Variants in JPH3 observed in about 807,000 individuals in gnomAD.
JPH3 encodes the protein junctophilin 3, also known as junctophilin-3.
A neutral mutation model predicts 59.6 loss-of-function variants in JPH3; 11 were observed. That is an observed-to-expected ratio of 0.18 (90% confidence interval 0.12 to 0.31). The LOEUF is 0.31. JPH3 is among the 10% of genes least tolerant of loss of function. JPH3 has a pLI of 1.00. For missense variants in JPH3, 1,202 were observed against 1,105.7 expected, an observed-to-expected ratio of 1.09 and a Z score of -1.24; for synonymous variants, 673 against 483.6, an observed-to-expected ratio of 1.39 and a Z score of -5.14.
At chr16:87,656,842 T>C (rs1011670677) in intron 2 of JPH3, among the ~76,000 whole-genome samples, 3 of 152,156 alleles carry the variant, frequency 2.0e-5, no homozygotes, top group Non-Finnish European at 4.4e-5. Context: ...TTCTGAAAAC[T>C]GGACAGTCCA....
rs1307233172 is a variant in JPH3 at position 87,603,024 on chromosome 16, G to A, written c.-123G>A. 1.3e-5 allele frequency: 17 copies of A among 1,290,998 alleles called. No individual in the cohort carries two copies. The highest frequency in any genetic ancestry group is 1.8e-5 in the Non-Finnish European group (17 of 949,860). 80.0% of individuals were successfully genotyped at this position (1,290,998 alleles called of 1,614,324 possible). On this transcript the variant is annotated 5_prime_UTR_variant, in exon 1 of 5. Coordinates refer to ENST00000284262, the MANE Select transcript of JPH3 (RefSeq NM_020655.4). ...CCCGCGCCCGAGACCGCGCTCCGGG[G>A]CCGCGTCCTCCTCTCCTCCGGAAAA...
intron 2 of JPH3, among the ~76,000 whole-genome samples, chr16:87,668,377 C>T (rs1383951648): frequency 3.3e-5 from 5 of 152,324 alleles, no homozygotes; most frequent in South Asian, 2.1e-4. Flanking sequence ...CTCACCTCTC[C>T]GCAGACGCCC....
rs549715720 is a variant in JPH3, at chr16:87,672,707, G to A, written c.1161-11435G>A. 2.6e-5 allele frequency among the ~76,000 whole-genome samples: 4 copies of A among 152,354 alleles called. No homozygotes were observed. In the South Asian group the frequency reaches 6.2e-4, roughly 24 times the overall value. ...GCAGGGTGTCCACGTGGCTGGCCAC[G>A]TTTAGTTGATAAAAGTGGCATCTAT... On this transcript the variant is annotated intron_variant, in intron 2 of 4. Transcript: ENST00000284262.
At position 87,689,628 on chromosome 16, in the gene JPH3, T is replaced by C; in HGVS notation, c.1286-18T>C. The C allele has an allele frequency of 6.2e-7, 1 of 1,609,502 alleles. No individual in the cohort carries two copies. Among genetic ancestry groups the C allele is most frequent in the Non-Finnish European group, 8.5e-7 (1 of 1,178,496 alleles). On this transcript the variant is annotated intron_variant, in intron 3 of 4. Coordinates refer to ENST00000284262, the MANE Select transcript of JPH3 (RefSeq NM_020655.4). ...TGCTGGGTAACGCCGTCTGGCGTCG[T>C]CTTGTGTCCCCATACAGGGCTGGAG...
chr16:87,625,122 G>A lies in JPH3; in HGVS notation c.383-19136G>A, dbSNP rs185956040. 2.0e-3 allele frequency among the ~76,000 whole-genome samples: 297 copies of A among 152,226 alleles called. 3 individuals carry two copies. Among genetic ancestry groups the A allele is most frequent in the African/African-American group, 6.7e-3 (279 of 41,538 alleles). On this transcript the variant is annotated intron_variant, in intron 1 of 4. Coordinates refer to ENST00000284262, the MANE Select transcript of JPH3 (RefSeq NM_020655.4). ...CCTTATTTTATATACTTTTTAAGACGGAGTCTCACTCTGTGAGCCAGCACA... is the reference window on the plus strand; with the variant it reads ...CCTTATTTTATATACTTTTTAAGACAGAGTCTCACTCTGTGAGCCAGCACA...
Position 87,603,347 on chromosome 16 carries a change from G to A in JPH3, c.201G>A (p.Gln67=). ...SGNTYQGTWA[Q]GKRHGIGLES... ...ACACGTACCAGGGCACCTGGGCGCA[G>A]GGCAAGCGCCACGGCATCGGCCTGG... Residue 67 remains glutamine (Q), a synonymous_variant, in exon 1 of 5, where the codon CAG becomes CAA. Coordinates refer to ENST00000284262, the MANE Select transcript of JPH3 (RefSeq NM_020655.4). 1 of 1,612,810 alleles carries A rather than the reference G, an allele frequency of 6.2e-7. No homozygotes were observed. Among genetic ancestry groups the A allele is most frequent in the African/African-American group, 1.3e-5 (1 of 75,044 alleles).
chr16:87,655,334 A>G (rs574528332), intron 2 of JPH3, among the ~76,000 whole-genome samples: 101 of 150,360 alleles, frequency 6.7e-4, no homozygotes, highest in African/African-American at 2.4e-3. Flanking sequence ...CAAAACAAAT[A>G]ATTTTATTTT....
intron 2 of JPH3, among the ~76,000 whole-genome samples, chr16:87,647,453 G>A (rs1042672501): frequency 5.9e-5 from 9 of 152,108 alleles, no homozygotes; most frequent in East Asian, 3.9e-4. Flanking sequence ...TGAAACTGAC[G>A]GAGCCCACCC....
intron 2 of JPH3, among the ~76,000 whole-genome samples, chr16:87,665,656 G>A (rs1363509747): frequency 6.6e-6 from 1 of 152,202 alleles, no homozygotes. Context: ...AGGAAGCTGG[G>A]GGTGGGAGCA....
intron 2 of JPH3, among the ~76,000 whole-genome samples, chr16:87,651,500 C>T (rs1158812615): frequency 1.3e-5 from 2 of 152,186 alleles, no homozygotes; most frequent in East Asian, 1.9e-4. Context: ...ATTCGTGATT[C>T]AAGGTTGGAG....
chr16:87,619,404 T>A (rs1279009186), intron 1 of JPH3, among the ~76,000 whole-genome samples: 1 of 152,024 alleles, frequency 6.6e-6, no homozygotes, highest in Non-Finnish European at 1.5e-5. Context: ...AGCCACCGGC[T>A]CCCCTGCACC....
chr16:87,696,612 C>G lies in JPH3; in HGVS notation c.2199C>G (p.Ile733Met). ...CGCCTATCCTGGTGGTCATGGTGAT[C>G]TTGCTCAACATCGGAGTCGCCATTC... Reference protein sequence around the residue: ...GSAPILVVMVILLNIGVAILF... With the variant: ...GSAPILVVMVMLLNIGVAILF... Residue 733 changes from isoleucine (I) to methionine (M), a missense_variant, in exon 5 of 5, where the codon ATC (isoleucine) becomes ATG (methionine). Physicochemically the swap from Ile to Met is conservative, Grantham distance 10 (BLOSUM62 1). Coordinates refer to ENST00000284262, the MANE Select transcript of JPH3 (RefSeq NM_020655.4). The G allele has an allele frequency of 6.2e-7, 1 of 1,613,632 alleles. No individual in the cohort carries two copies.
rs763081273 is a variant in JPH3, at chr16:87,690,545, G to A, written c.2166+19G>A. On this transcript the variant is annotated intron_variant, in intron 4 of 4. Coordinates refer to ENST00000284262, the MANE Select transcript of JPH3 (RefSeq NM_020655.4). ...CAGTACGGTGAGTGGGCGGCCACCA[G>A]GCTGGTCCCAGTGGAGGCAACATCC... is the stretch of plus-strand genomic sequence containing the variant. 25 of 1,454,190 alleles carry A rather than the reference G, an allele frequency of 1.7e-5. No individual in the cohort carries two copies. In the East Asian group the frequency reaches 5.0e-4, roughly 29 times the overall value. The allele number at this position is 1,454,190 out of a possible 1,614,324, so 90.1% of individuals were successfully genotyped here.
Position 87,696,683 on chromosome 16 carries a change from T to TA in JPH3, c.*24dup. The TA allele has an allele frequency of 6.3e-7, 1 of 1,585,994 alleles. No homozygotes were observed. Among genetic ancestry groups the TA allele is most frequent in the Non-Finnish European group, 8.7e-7 (1 of 1,155,550 alleles). ...TGATGAGATGTCGCGGTAGCAAAAATAGAGAAAGGGTAGAAAAAAGGGACA... is the reference window on the plus strand; with the variant it reads ...TGATGAGATGTCGCGGTAGCAAAAATAAGAGAAAGGGTAGAAAAAAGGGACA... On this transcript the variant is annotated 3_prime_UTR_variant, in exon 5 of 5. Transcript: ENST00000284262.
At chr16:87,659,956 C>A (rs189026208) in intron 2 of JPH3, among the ~76,000 whole-genome samples, 1 of 152,170 alleles carries the variant, frequency 6.6e-6, no homozygotes, top group Admixed American at 6.5e-5. Flanking sequence ...TGGCCCTGCT[C>A]CGTCCCTTCT....
At chr16:87,639,033 G>A (rs4843644) in intron 1 of JPH3, among the ~76,000 whole-genome samples, 16 of 152,122 alleles carry the variant, frequency 1.1e-4, no homozygotes, top group South Asian at 8.3e-4. Flanking sequence ...TAACGCTGCC[G>A]CTTCCGCTTC....
At chr16:87,666,165 T>G (rs2032854552) in intron 2 of JPH3, among the ~76,000 whole-genome samples, 1 of 151,878 alleles carries the variant, frequency 6.6e-6, no homozygotes, top group Non-Finnish European at 1.5e-5. Flanking sequence ...CTTGGTTCAC[T>G]GTAGCCTCTG....
At chr16:87,627,785 C>T (rs1194107209) in intron 1 of JPH3, among the ~76,000 whole-genome samples, 5 of 152,332 alleles carry the variant, frequency 3.3e-5, no homozygotes, top group Admixed American at 2.6e-4. Context: ...CCGACTTCCA[C>T]CCATGCCGGT....
chr16:87,653,229 C>T (rs1193822020), intron 2 of JPH3, among the ~76,000 whole-genome samples: 1 of 152,216 alleles, frequency 6.6e-6, no homozygotes, highest in African/African-American at 2.4e-5. Flanking sequence ...CAGGGTGATG[C>T]CTGCTCTGAA....
Sources: gnomAD v4.1 joint callset for allele counts (sites outside exome capture counted in the v4.1 genomes callset) on GRCh38, gnomAD v4.1.1 for gene constraint, MANE v1.5 for transcripts, NCBI Gene and HGNC (gene_info 2026-07-23, HGNC 2026-07-21) for gene names.